Variants in ATM observed in about 807,000 individuals in gnomAD.
The protein encoded by ATM is serine-protein kinase ATM.
Under a neutral mutation model 387.0 loss-of-function variants are expected in ATM, and 308 were observed. The observed-to-expected ratio is 0.80, with a 90% CI of 0.73 to 0.87. The LOEUF (loss-of-function observed/expected upper bound fraction) is 0.87. ATM is among the 40% of genes least tolerant of loss of function. ATM has a pLI of 0.00. For synonymous variants in ATM, 1,156 were observed against 1,187.3 expected (o/e 0.97, Z 0.54); for missense variants, 3,312 against 3,560.9 (o/e 0.93, Z 1.78).
At chr11:108,340,732 C>T (rs2136859886) in intron 56 of ATM, among the ~76,000 whole-genome samples, 1 of 152,244 alleles carries the variant, frequency 6.6e-6, no homozygotes, top group African/African-American at 2.4e-5. Context: ...GGGATTGTTT[C>T]CAGAGCCCCC....
intron 21 of ATM, 53 bp downstream of exon 21, chr11:108,272,660 C>G (rs2081650579): frequency 6.2e-7 from 1 of 1,612,650 alleles, no homozygotes; most frequent in African/African-American, 1.3e-5. Context: ...TTAAAGCAGT[C>G]TTTGTTTGTT....
rs587781838 is a variant in ATM at position 108,329,225 on chromosome 11, A to T, written c.7294A>T (p.Ile2432Phe). The T allele has an allele frequency of 4.3e-6, 7 of 1,613,116 alleles. No homozygotes were observed. The highest frequency in any genetic ancestry group is 5.9e-6 in the Non-Finnish European group (7 of 1,179,238). Residue 2432 changes from isoleucine to phenylalanine, a missense_variant, in exon 49 of 63, where the codon ATT (isoleucine) becomes TTT (phenylalanine). Transcript: ENST00000675843. ...AGTAGGTCTCCTTAGGGAACATAAA[A>T]TTCAGACAAACAGGTAACTAGGTTT... Reference protein sequence around the residue: ...EEVGLLREHKIQTNRYTVKVQ... With the variant: ...EEVGLLREHKFQTNRYTVKVQ...
intron 5 of ATM, among the ~76,000 whole-genome samples, chr11:108,238,393 AC>A (rs2079404013): frequency 1.3e-5 from 2 of 151,966 alleles, no homozygotes; most frequent in Non-Finnish European, 2.9e-5. Context: ...CTCAAGTGAT[AC>A]CCTTCCCTTG....
intron 29 of ATM, among the ~76,000 whole-genome samples, chr11:108,291,630 G>A (rs1256741442): frequency 6.6e-6 from 1 of 152,198 alleles, no homozygotes; most frequent in African/African-American, 2.4e-5. Context: ...CTTGCCTTGT[G>A]TGGTCACTGA....
At position 108,281,020 on chromosome 11, in the gene ATM, C is replaced by T. The variant is rs748375410; in HGVS notation, c.3428C>T (p.Thr1143Ile). 1.9e-6 allele frequency: 3 copies of T among 1,612,702 alleles called. No individual in the cohort carries two copies. The highest frequency in any genetic ancestry group is 2.5e-6 in the Non-Finnish European group (3 of 1,179,282). Residue 1143 changes from threonine (T) to isoleucine (I), a missense_variant, in exon 24 of 63, where the codon ACT (threonine) becomes ATT (isoleucine). This residue lies in a region of ATM where 1,791 missense variants were observed against 1,804.5 expected (regional missense o/e 0.99). Transcript: ENST00000675843. ...TCCCATAGTGCTGAGAACCCTGAAACTTTGGATGAAATTTATAATAGAAAA... is the reference window on the plus strand; with the variant it reads ...TCCCATAGTGCTGAGAACCCTGAAATTTTGGATGAAATTTATAATAGAAAA... ...EMSHSAENPE[T>I]LDEIYNRKSV...
intron 55 of ATM, among the ~76,000 whole-genome samples, chr11:108,335,610 G>T (rs1299303541): frequency 6.6e-6 from 1 of 152,150 alleles, no homozygotes; most frequent in Non-Finnish European, 1.5e-5. Flanking sequence ...TCCTAGGGGG[G>T]ACTTCCAGTT....
Position 108,325,606 on chromosome 11 carries a change from CAGAA to C in ATM, c.6807+65_6807+68del, listed in dbSNP as rs1214690541. 1.6e-5 allele frequency: 22 copies of C among 1,367,980 alleles called. No individual in the cohort carries two copies. The African/African-American group carries it at 1.7e-4, about 11-fold the overall frequency. The allele number at this position is 1,367,980 out of a possible 1,614,324, so 84.7% of individuals were successfully genotyped here. A position where few individuals can be genotyped will look rare whatever the true frequency, so the allele number is the denominator to read the frequency against. ...GACTTTCCTTTTATTATTTAAAAAA[CAGAA>C]AGCCTGAGGGAAAAAGAAATGTCAT... is the stretch of plus-strand genomic sequence containing the variant. On this transcript the variant is annotated intron_variant, in intron 46 of 62. Transcript: ENST00000675843.
rs955312830 is a variant in ATM, at chr11:108,368,226, AT to A, written c.*2722del. ...GATTATAAAAGATTTTTTTTTTGTA[AT>A]TTTAGTAGAGACAGGGTTGCCATTG... On this transcript the variant is annotated 3_prime_UTR_variant, in exon 63 of 63. Coordinates refer to ENST00000675843, the MANE Select transcript of ATM (RefSeq NM_000051.4). 4.9e-6 allele frequency: 1 copy of A among 203,138 alleles called. No homozygotes were observed. Among genetic ancestry groups the A allele is most frequent in the African/African-American group, 2.3e-5 (1 of 43,358 alleles). 12.6% of individuals were successfully genotyped at this position (203,138 alleles called of 1,614,324 possible).
At chr11:108,321,273 C>T (rs2085186864) in intron 44 of ATM, 28 bp from the exon 45 acceptor site, 2 of 1,613,436 alleles carry the variant, frequency 1.2e-6, no homozygotes, top group Non-Finnish European at 1.7e-6. Context: ...TCTTTATTTT[C>T]AGAGTGTCTT....
chr11:108,250,641 C>A (rs1468188101), intron 9 of ATM, 60 bp from the exon 10 acceptor site: 1 of 1,505,138 alleles, frequency 6.6e-7, no homozygotes, highest in African/African-American at 1.4e-5. Context: ...CTATATATTT[C>A]CTTTTAGTTT....
intron 30 of ATM, among the ~76,000 whole-genome samples, 153 bp downstream of exon 30, chr11:108,292,946 CTT>C (rs2082883716): frequency 6.6e-6 from 1 of 151,950 alleles, no homozygotes. Flanking sequence ...ATGAATTAAC[CTT>C]TGTAATCAAT....
chr11:108,273,456 C>T (rs539632815), intron 22 of ATM, among the ~76,000 whole-genome samples: 2 of 149,756 alleles, frequency 1.3e-5, no homozygotes, highest in South Asian at 2.1e-4. Flanking sequence ...ATTCTCCTGC[C>T]TCATCCTCCT....
chr11:108,336,603 AAAC>A (rs2086886686), intron 56 of ATM, among the ~76,000 whole-genome samples: 1 of 152,238 alleles, frequency 6.6e-6, no homozygotes, highest in Admixed American at 6.5e-5. Flanking sequence ...TTGCTGCTAC[AAAC>A]AACGCTGTAT....
chr11:108,278,852 C>T (rs1316021725), intron 22 of ATM, among the ~76,000 whole-genome samples: 2 of 152,068 alleles, frequency 1.3e-5, no homozygotes, highest in African/African-American at 4.8e-5. Context: ...TTCAACATGA[C>T]ATTTGGAGGG....
chr11:108,314,907 A>G (rs1231674528), intron 40 of ATM, among the ~76,000 whole-genome samples: 2 of 152,198 alleles, frequency 1.3e-5, no homozygotes, highest in Admixed American at 1.3e-4. Flanking sequence ...ACAAAGAATC[A>G]TCTGTCTGAA....
intron 61 of ATM, 52 bp from the exon 62 acceptor site, chr11:108,365,030 A>C: frequency 6.3e-7 from 1 of 1,592,990 alleles, no homozygotes; most frequent in Non-Finnish European, 8.6e-7. Context: ...GTTTCTAAGT[A>C]TGTGATTAAA....
chr11:108,265,275 C>T (rs2081160837), intron 16 of ATM, among the ~76,000 whole-genome samples: 1 of 151,874 alleles, frequency 6.6e-6, no homozygotes, highest in Non-Finnish European at 1.5e-5. Flanking sequence ...GTACTGGTAC[C>T]AAAACAGAGA....
chr11:108,357,495 C>T (rs2090138393), intron 61 of ATM, among the ~76,000 whole-genome samples: 1 of 152,202 alleles, frequency 6.6e-6, no homozygotes, highest in South Asian at 2.1e-4. Flanking sequence ...GGGGGCAGGG[C>T]ACAGACAAAC....
chr11:108,274,347 G>T (rs112421223), intron 22 of ATM, among the ~76,000 whole-genome samples: 3 of 33,470 alleles, frequency 9.0e-5, no homozygotes, highest in African/African-American at 2.2e-4. Context: ...GGTTTTTTTT[G>T]TGTGTGTGTG....
Sources: allele counts gnomAD v4.1 joint callset (sites outside exome capture counted in the v4.1 genomes callset), GRCh38; gene constraint gnomAD v4.1.1; regional missense constraint gnomAD v4.1.1; transcripts MANE v1.5; gene names NCBI Gene and HGNC (gene_info 2026-07-23, HGNC 2026-07-21).